Variants in SRPK2 observed in about 807,000 individuals in gnomAD.
SRPK2 encodes SRSF protein kinase 2, also known as SFRS protein kinase 2.
A neutral mutation model predicts 90.8 loss-of-function variants in SRPK2; 21 were observed. The ratio of observed to expected loss-of-function variants is 0.23; its 90% CI spans 0.16 to 0.33. SRPK2 has a LOEUF of 0.33. Ranked by LOEUF, SRPK2 falls within the 10% of genes least tolerant of loss-of-function variation. The pLI, the probability that SRPK2 is intolerant of heterozygous loss-of-function variation, is 1.00. For synonymous variants in SRPK2, 288 were observed against 311.1 expected (o/e 0.93, Z 0.78); for missense variants, 620 against 869.0 (o/e 0.71, Z 3.60).
At chr7:105,152,821 G>C (rs964550145) in intron 7 of SRPK2, among the ~76,000 whole-genome samples, 7 of 152,096 alleles carry the variant, frequency 4.6e-5, no homozygotes, top group African/African-American at 1.7e-4. Flanking sequence ...GGATCACAAG[G>C]TCAGGAGATC....
At chr7:105,362,682 C>T (rs1818573958) in intron 2 of SRPK2, among the ~76,000 whole-genome samples, 1 of 152,048 alleles carries the variant, frequency 6.6e-6, no homozygotes, top group Non-Finnish European at 1.5e-5. Flanking sequence ...TTCACCCAGC[C>T]ATCCCATTAA....
At chr7:105,367,040 G>A (rs549866580) in intron 2 of SRPK2, among the ~76,000 whole-genome samples, 1 of 151,588 alleles carries the variant, frequency 6.6e-6, no homozygotes, top group Non-Finnish European at 1.5e-5. Context: ...ATATATGTAA[G>A]AAAAATATGA....
At chr7:105,131,319 G>A (rs563361945) in intron 13 of SRPK2, among the ~76,000 whole-genome samples, 16 of 152,054 alleles carry the variant, frequency 1.1e-4, no homozygotes, top group African/African-American at 2.9e-4. Context: ...CCACGTCTCA[G>A]TCTGCCTGCT....
chr7:105,336,412 A>G (rs10258841), intron 2 of SRPK2, among the ~76,000 whole-genome samples: 25,573 of 152,156 alleles, frequency 0.17, 2,824 homozygotes, highest in East Asian at 0.58. Context: ...AAAACCTTTA[A>G]TGAAAATACT....
chr7:105,155,660 G>A (rs2129580388), intron 7 of SRPK2, among the ~76,000 whole-genome samples: 1 of 152,290 alleles, frequency 6.6e-6, no homozygotes, highest in African/African-American at 2.4e-5. Context: ...CCAAATGTGA[G>A]CTGAAGGCAT....
chr7:105,331,319 A>AAAAC (rs1212405316), intron 2 of SRPK2, among the ~76,000 whole-genome samples: 2 of 131,374 alleles, frequency 1.5e-5, no homozygotes, highest in Non-Finnish European at 3.3e-5. Flanking sequence ...AAAAAAAAAA[A>AAAAC]AAAAAAAAAA....
At chr7:105,173,828 T>C (rs777673653) in intron 3 of SRPK2, among the ~76,000 whole-genome samples, 3 of 151,990 alleles carry the variant, frequency 2.0e-5, no homozygotes, top group Non-Finnish European at 4.4e-5. Context: ...AAGATCACCA[T>C]GACTTAAGAG....
At chr7:105,392,606 C>G (rs1822209910), upstream of SRPK2, among the ~76,000 whole-genome samples, 1 of 151,956 alleles carries the variant, frequency 6.6e-6, no homozygotes. Flanking sequence ...CTCCACTTCC[C>G]AGGTTCAAGT....
In SRPK2 at chr7:105,365,509, A is replaced by T. The variant is rs200613781; in HGVS notation, c.71+23139T>A. Among the ~76,000 whole-genome samples, 94 of 124,834 alleles carry T rather than the reference A, an allele frequency of 7.5e-4. No homozygotes were observed. The East Asian group carries it at 0.011, about 15-fold the overall frequency. The allele number at this position is 124,834 out of a possible 152,430, so 81.9% of individuals were successfully genotyped here. A position where few individuals can be genotyped will look rare whatever the true frequency, so the allele number is the denominator to read the frequency against. On this transcript the variant is annotated intron_variant, in intron 2 of 15. Coordinates refer to ENST00000393651, the MANE Select transcript of SRPK2 (RefSeq NM_182692.3). Reference sequence around the variant, plus strand: ...TCTCAAAAAAAAAAAAAAAAAAAAAATTATATATATATATATATTTAGGCC... The same window carrying T: ...TCTCAAAAAAAAAAAAAAAAAAAAATTTATATATATATATATATTTAGGCC...
chr7:105,207,506 A>C (rs1796358373), intron 2 of SRPK2, among the ~76,000 whole-genome samples: 1 of 152,252 alleles, frequency 6.6e-6, no homozygotes, highest in Non-Finnish European at 1.5e-5. Flanking sequence ...AATTATCAGA[A>C]GTATATAAGC....
chr7:105,127,841 A>G (rs1006167772), intron 13 of SRPK2, among the ~76,000 whole-genome samples: 1 of 152,228 alleles, frequency 6.6e-6, no homozygotes, highest in Admixed American at 6.5e-5. Context: ...AAAAGAGAAA[A>G]AAAGAATAAG....
intron 2 of SRPK2, among the ~76,000 whole-genome samples, chr7:105,300,960 G>A (rs1016322512): frequency 5.3e-5 from 8 of 152,174 alleles, no homozygotes; most frequent in Admixed American, 2.0e-4. Context: ...ACAGTGTGGC[G>A]ATTCCTCAAG....
intron 2 of SRPK2, among the ~76,000 whole-genome samples, chr7:105,334,459 G>A (rs910793636): frequency 6.6e-6 from 1 of 151,556 alleles, no homozygotes; most frequent in African/African-American, 2.4e-5. Context: ...CCGACCTCAT[G>A]ATCCACCCGC....
At chr7:105,302,041 T>C in intron 2 of SRPK2, 1 of 1,565,180 alleles carries the variant, frequency 6.4e-7, no homozygotes. Flanking sequence ...ACTGGGTTGA[T>C]GTTGTGAAGC....
chr7:105,207,935 C>G (rs1275721657), intron 2 of SRPK2, among the ~76,000 whole-genome samples: 1 of 152,086 alleles, frequency 6.6e-6, no homozygotes, highest in African/African-American at 2.4e-5. Context: ...ATATAAAGAA[C>G]TCTTCCAACT....
intron 2 of SRPK2, among the ~76,000 whole-genome samples, chr7:105,319,504 C>CGGGGGGGGGGGGG (rs796955446): frequency 5.7e-4 from 3 of 5,306 alleles, no homozygotes; most frequent in Non-Finnish European, 9.3e-4. Flanking sequence ...GCACTTGCGG[C>CGGGGGGGGGGGGG]GGGGGGGGGG....
At chr7:105,320,120 T>C (rs1241047295) in intron 2 of SRPK2, among the ~76,000 whole-genome samples, 3 of 152,210 alleles carry the variant, frequency 2.0e-5, no homozygotes, top group African/African-American at 2.4e-5. Context: ...TGTCTACAGG[T>C]TGATTTTGCT....
chr7:105,285,854 T>C (rs899316698), intron 2 of SRPK2, among the ~76,000 whole-genome samples: 3 of 152,176 alleles, frequency 2.0e-5, no homozygotes, highest in Non-Finnish European at 4.4e-5. Context: ...TAAACCTCTT[T>C]TCTTTAAAAA....
chr7:105,329,812 T>C (rs1814065123), intron 2 of SRPK2, among the ~76,000 whole-genome samples: 1 of 151,752 alleles, frequency 6.6e-6, no homozygotes, highest in Non-Finnish European at 1.5e-5. Context: ...GGCAAATTAT[T>C]TGAGGCCAAG....
Sources: allele counts gnomAD v4.1 joint callset (sites outside exome capture counted in the v4.1 genomes callset), GRCh38; gene constraint gnomAD v4.1.1; transcripts MANE v1.5; gene names NCBI Gene and HGNC (gene_info 2026-07-23, HGNC 2026-07-21).